The following FOXP2 variants were observed in gnomAD, a reference collection of about 807,000 sequenced individuals.
FOXP2 encodes forkhead box protein P2.
FOXP2 carries 12 observed loss-of-function variants against 115.8 expected under a neutral mutation model. The observed-to-expected ratio is 0.10, with a 90% confidence interval of 0.07 to 0.17. The LOEUF (loss-of-function observed/expected upper bound fraction) is 0.17. FOXP2 is among the 10% of genes least tolerant of loss of function. FOXP2 has a pLI of 1.00. For missense variants in FOXP2, 629 were observed against 843.5 expected, an observed-to-expected ratio of 0.75 and a Z score of 3.15; for synonymous variants, 328 against 297.7, an observed-to-expected ratio of 1.10 and a Z score of -1.05.
chr7:114,395,064 CT>C (rs1279636798), intron 2 of FOXP2, among the ~76,000 whole-genome samples: 1 of 152,076 alleles, frequency 6.6e-6, no homozygotes, highest in African/African-American at 2.4e-5. Context: ...TTAGGTTGGT[CT>C]TTAACAGTTA....
chr7:114,111,333 A>C (rs889157336), intron 1 of FOXP2, among the ~76,000 whole-genome samples: 1 of 152,116 alleles, frequency 6.6e-6, no homozygotes, highest in South Asian at 2.1e-4. Flanking sequence ...CTTAAAGATT[A>C]AAGATCACGT....
At chr7:114,396,085 G>A (rs929645513) in intron 2 of FOXP2, among the ~76,000 whole-genome samples, 34 of 151,738 alleles carry the variant, frequency 2.2e-4, no homozygotes, top group African/African-American at 8.0e-4. Context: ...ACCCTATTGT[G>A]CTATCAAATA....
chr7:114,282,207 T>C (rs915599943), intron 1 of FOXP2, among the ~76,000 whole-genome samples: 3 of 152,220 alleles, frequency 2.0e-5, no homozygotes, highest in Non-Finnish European at 2.9e-5. Context: ...ATCTGCGTCA[T>C]AGCTTTGCAT....
chr7:114,675,844 A>C (rs573622209), intron 16 of FOXP2, among the ~76,000 whole-genome samples: 1 of 152,042 alleles, frequency 6.6e-6, no homozygotes, highest in Non-Finnish European at 1.5e-5. Context: ...AGGACATAAC[A>C]GTATATAAGA....
At chr7:114,377,424 A>C (rs1792168389) in intron 2 of FOXP2, among the ~76,000 whole-genome samples, 1 of 152,196 alleles carries the variant, frequency 6.6e-6, no homozygotes, top group South Asian at 2.1e-4. Context: ...ATAGAAAAGA[A>C]GTACAAGAAA....
At chr7:114,552,546 T>C (rs1047013951) in intron 3 of FOXP2, among the ~76,000 whole-genome samples, 1 of 152,232 alleles carries the variant, frequency 6.6e-6, no homozygotes, top group African/African-American at 2.4e-5. Flanking sequence ...TGAGTTAGTT[T>C]TCCCCTTATC....
intron 1 of FOXP2, among the ~76,000 whole-genome samples, chr7:114,137,668 C>T (rs1044544561): frequency 2.3e-4 from 35 of 152,050 alleles, no homozygotes; most frequent in African/African-American, 8.2e-4. Context: ...TTATTTATGA[C>T]GTTTTAATGG....
At chr7:114,525,154 C>T (rs1485370748) in intron 2 of FOXP2, among the ~76,000 whole-genome samples, 2 of 152,096 alleles carry the variant, frequency 1.3e-5, no homozygotes, top group Non-Finnish European at 2.9e-5. Flanking sequence ...TTTTAGCAAA[C>T]CCACTAAAGC....
At position 114,690,013 on chromosome 7, in the gene FOXP2, A is replaced by C. The variant is rs552139805; in HGVS notation, c.*87A>C. 4 of 1,508,246 alleles carry C rather than the reference A, an allele frequency of 2.7e-6. No homozygotes were observed. Among genetic ancestry groups the C allele is most frequent in the Non-Finnish European group, 3.7e-6 (4 of 1,093,176 alleles). The allele number at this position is 1,508,246 out of a possible 1,614,324, so 93.4% of individuals were successfully genotyped here. A position where few individuals can be genotyped will look rare whatever the true frequency, so the allele number is the denominator to read the frequency against. On this transcript the variant is annotated 3_prime_UTR_variant, in exon 17 of 17. Coordinates refer to ENST00000350908, the MANE Select transcript of FOXP2 (RefSeq NM_014491.4). ...AACCATGAATATTTGACAAATTTTT[A>C]CTGTGACTATTTATTAAGCATGGAT...
intron 6 of FOXP2, 128 bp from the exon 7 acceptor site, chr7:114,642,282 G>C (rs1805577242): frequency 1.4e-6 from 1 of 732,114 alleles, no homozygotes; most frequent in African/African-American, 1.8e-5. Flanking sequence ...GTGATTTTTT[G>C]TTGTATATTA....
chr7:114,514,090 C>CACACAA (rs548020026), intron 2 of FOXP2, among the ~76,000 whole-genome samples: 880 of 35,718 alleles, frequency 0.025, 7 homozygotes, highest in African/African-American at 0.089. Context: ...ATCTTATACA[C>CACACAA]ACACACACAC....
At chr7:114,500,041 C>T (rs1365626354) in intron 2 of FOXP2, among the ~76,000 whole-genome samples, 1 of 151,840 alleles carries the variant, frequency 6.6e-6, no homozygotes, top group Non-Finnish European at 1.5e-5. Flanking sequence ...CGGTGAAACC[C>T]CGTCTCCACT....
At chr7:114,106,914 CAT>C (rs1174605690) in intron 1 of FOXP2, among the ~76,000 whole-genome samples, 1 of 151,902 alleles carries the variant, frequency 6.6e-6, no homozygotes, top group African/African-American at 2.4e-5. Context: ...TTAATAAACT[CAT>C]AGTTATAATC....
intron 2 of FOXP2, among the ~76,000 whole-genome samples, chr7:114,331,831 A>T (rs1035940997): frequency 6.6e-6 from 1 of 152,018 alleles, no homozygotes; most frequent in Non-Finnish European, 1.5e-5. Flanking sequence ...TTTTTACTAT[A>T]GATGGGGTTT....
In FOXP2 at chr7:114,631,640, A is replaced by G; in HGVS notation, c.710A>G (p.Gln237Arg). The G allele has an allele frequency of 1.2e-6, 2 of 1,614,106 alleles. No individual in the cohort carries two copies. The highest frequency in any genetic ancestry group is 1.7e-6 in the Non-Finnish European group (2 of 1,180,018). The change falls in exon 6 of 17, where the codon CAG (glutamine) becomes CGG (arginine). Residue 237 changes from glutamine to arginine, a missense_variant. Physicochemically the swap from Gln to Arg is conservative, Grantham distance 43 (BLOSUM62 1). Around this residue, in one of 9 missense-constraint regions of FOXP2, gnomAD observed 138 missense variants for 205.1 expected, o/e 0.67. Transcript: ENST00000350908. ...LQQQQHLLSL[Q>R]RQGLISIPPG... The stretch of plus-strand genomic sequence containing the variant: ...CAGCAGCAGCATCTGCTCAGCCTTC[A>G]GCGTCAGGGACTCATCTCCATTCCA...
At chr7:114,661,351 G>A (rs943538407) in intron 13 of FOXP2, among the ~76,000 whole-genome samples, 4 of 151,960 alleles carry the variant, frequency 2.6e-5, no homozygotes, top group African/African-American at 9.7e-5. Context: ...TTAATTTTGA[G>A]TAATTACTCT....
chr7:114,313,521 G>A lies in FOXP2; in HGVS notation c.-11+25412G>A, dbSNP rs1272785273. On this transcript the variant is annotated intron_variant, in intron 2 of 17. Coordinates refer to the FOXP2 transcript ENST00000634411. Reference sequence around the variant, plus strand: ...AGCACTTTGGGAGGCCGAGGCGGGCGGATCACGAGGTCAGGAGATCGAGAC... The same window carrying A: ...AGCACTTTGGGAGGCCGAGGCGGGCAGATCACGAGGTCAGGAGATCGAGAC... 1.5e-4 allele frequency among the ~76,000 whole-genome samples: 8 copies of A among 54,174 alleles called. 2 individuals are homozygous for A. Among genetic ancestry groups the A allele is most frequent in the Admixed American group, 3.5e-4 (3 of 8,608 alleles). The allele number at this position is 54,174 out of a possible 152,430, so 35.5% of individuals were successfully genotyped here.
intron 1 of FOXP2, among the ~76,000 whole-genome samples, chr7:114,176,806 T>C (rs969358266): frequency 7.2e-5 from 11 of 152,134 alleles, no homozygotes; most frequent in Admixed American, 2.6e-4. Context: ...GTAACACATT[T>C]GTTTGTACTC....
At position 114,133,827 on chromosome 7, in the gene FOXP2, A is replaced by G. The variant is rs574916823; in HGVS notation, c.-246-29117A>G. Among the ~76,000 whole-genome samples the G allele has an allele frequency of 4.1e-4, 62 of 152,322 alleles. 1 individual carries two copies. The highest frequency in any genetic ancestry group is 3.4e-3 in the Middle Eastern group (1 of 294). Reference sequence around the variant, plus strand: ...ATCCTTCAGGTCTTCCTCTCTTTGTAGATGGCTACATCTGCTTTGACTTCT... The same window carrying G: ...ATCCTTCAGGTCTTCCTCTCTTTGTGGATGGCTACATCTGCTTTGACTTCT... On this transcript the variant is annotated intron_variant, in intron 1 of 19. Transcript: ENST00000635638.
Sources: gnomAD v4.1 joint callset for allele counts (sites outside exome capture counted in the v4.1 genomes callset) on GRCh38, gnomAD v4.1.1 for gene constraint, gnomAD v4.1.1 regional missense constraint, MANE v1.5 for transcripts, NCBI Gene and HGNC (gene_info 2026-07-23, HGNC 2026-07-21) for gene names.